Variants in TDRD5 observed in about 807,000 individuals in gnomAD.
The protein encoded by TDRD5 is tudor domain-containing protein 5.
A neutral mutation model predicts 120.6 loss-of-function variants in TDRD5; 41 were observed. The ratio of observed to expected loss-of-function variants is 0.34; its 90% CI spans 0.26 to 0.44. TDRD5 has a LOEUF of 0.44. Among genes scored for constraint, TDRD5 ranks in the 20% least tolerant of loss-of-function variants. The pLI is 1.00. For missense variants in TDRD5, 1,006 were observed against 1,221.2 expected, an observed-to-expected ratio of 0.82 and a Z score of 2.63; for synonymous variants, 430 against 433.7, an observed-to-expected ratio of 0.99 and a Z score of 0.11.
chr1:179,613,266 A>T (rs1334643980), intron 4 of TDRD5, among the ~76,000 whole-genome samples: 1 of 152,168 alleles, frequency 6.6e-6, no homozygotes, highest in Non-Finnish European at 1.5e-5. Flanking sequence ...TATATTAACA[A>T]TTATCAGAAG....
Position 179,669,373 on chromosome 1 carries a change from G to A in TDRD5, c.2829G>A (p.Val943=), listed in dbSNP as rs116602339. Residue 943 remains valine, a synonymous_variant, in exon 17 of 18, where the codon GTG becomes GTA. Transcript: ENST00000444136. ...CAGCACCCTGTTCAACAACTGCAGTGGATGATTCCGCAGAAAAGCCCTCTG... is the reference window on the plus strand; with the variant it reads ...CAGCACCCTGTTCAACAACTGCAGTAGATGATTCCGCAGAAAAGCCCTCTG... ...STAAPCSTTA[V]DDSAEKPSGS... 3 of 1,614,166 alleles carry A rather than the reference G, an allele frequency of 1.9e-6. No homozygotes were observed. The highest frequency in any genetic ancestry group is 2.2e-5 in the East Asian group (1 of 44,874).
intron 6 of TDRD5, among the ~76,000 whole-genome samples, chr1:179,622,512 C>A (rs781492434): frequency 2.0e-5 from 3 of 152,058 alleles, no homozygotes; most frequent in African/African-American, 7.2e-5. Flanking sequence ...GTAACTCTTA[C>A]AACCACATTA....
rs190865686 is a variant in TDRD5 at position 179,650,230 on chromosome 1, G to C, written c.1801-637G>C. Among the ~76,000 whole-genome samples the C allele has an allele frequency of 2.2e-3, 334 of 151,818 alleles. 5 individuals are homozygous for C. Among genetic ancestry groups the C allele is most frequent in the African/African-American group, 7.6e-3 (315 of 41,402 alleles). ...AGCCTGGCCAACATGGTGAAACCCC[G>C]TCTCTACTAAAAATACAGAAATCAG... On this transcript the variant is annotated intron_variant, in intron 11 of 17. Coordinates refer to ENST00000444136, the MANE Select transcript of TDRD5 (RefSeq NM_001199085.3).
chr1:179,690,599 AT>A, intron 17 of TDRD5, 96 bp from the exon 18 acceptor site: 1 of 1,491,724 alleles, frequency 6.7e-7, no homozygotes. Context: ...ACAGAAAATG[AT>A]TGTAACACAT....
chr1:179,646,356 C>T (rs1323636596), intron 11 of TDRD5, among the ~76,000 whole-genome samples: 2 of 152,144 alleles, frequency 1.3e-5, no homozygotes, highest in African/African-American at 4.8e-5. Context: ...ACAAAAACCA[C>T]ATGATTATCT....
intron 6 of TDRD5, 59 bp downstream of exon 6, chr1:179,621,150 A>G: frequency 6.7e-7 from 1 of 1,502,106 alleles, no homozygotes; most frequent in Non-Finnish European, 9.0e-7. Flanking sequence ...CTTGTGATAG[A>G]TGGAATTTTG....
At position 179,663,408 on chromosome 1, in the gene TDRD5, G is replaced by A. The variant is rs374300164; in HGVS notation, c.2566G>A (p.Val856Ile). ...TGATTCTTGGCAGCCTTCAGGCCTT[G>A]TAAATGGAACGAAAGTAGAAGTTCA... The part of the protein sequence containing the change: ...WDDSWQPSGL[V>I]NGTKVEVHKP... Residue 856 changes from valine to isoleucine, a missense_variant, in exon 16 of 18, where the codon GTA (valine) becomes ATA (isoleucine). By Grantham distance (29) the Val-to-Ile change is conservative. Transcript: ENST00000444136. 3.1e-6 allele frequency: 5 copies of A among 1,613,692 alleles called. No individual in the cohort carries two copies. In the African/African-American group the frequency reaches 6.7e-5, roughly 22 times the overall value.
intron 6 of TDRD5, among the ~76,000 whole-genome samples, chr1:179,628,125 C>T (rs1205179385): frequency 6.6e-6 from 1 of 151,968 alleles, no homozygotes; most frequent in African/African-American, 2.4e-5. Context: ...TGCTAATTTG[C>T]AGGAAATAAA....
rs1252552620 is a variant in TDRD5, at chr1:179,639,900, C to A, written c.1582C>A (p.Pro528Thr). ...TGTCATGCCAGAATGTTTTATTCAG[C>A]CGGGACATCTCTGTTGTGTAAGGAT... is the stretch of plus-strand genomic sequence containing the variant. ...RYVMPECFIQPGHLCCVRISE... is the reference protein window; with the variant it reads ...RYVMPECFIQTGHLCCVRISE... Residue 528 changes from proline to threonine, a missense_variant, in exon 10 of 18, where the codon CCG (proline) becomes ACG (threonine). By Grantham distance (38) the Pro-to-Thr change is conservative. Coordinates refer to ENST00000444136, the MANE Select transcript of TDRD5 (RefSeq NM_001199085.3). 6.2e-7 allele frequency: 1 copy of A among 1,613,960 alleles called. No homozygotes were observed. Among genetic ancestry groups the A allele is most frequent in the Admixed American group, 1.7e-5 (1 of 59,996 alleles).
chr1:179,680,875 C>T (rs1286822272), intron 17 of TDRD5, among the ~76,000 whole-genome samples: 4 of 151,986 alleles, frequency 2.6e-5, no homozygotes, highest in Non-Finnish European at 5.9e-5. Flanking sequence ...TTAAAAAAAC[C>T]TCACTTTAAA....
At chr1:179,616,011 G>C (rs12041941) in intron 4 of TDRD5, among the ~76,000 whole-genome samples, 5,775 of 151,930 alleles carry the variant, frequency 0.038, 173 homozygotes, top group East Asian at 0.11. Flanking sequence ...ATAAAACTAT[G>C]GACACTGAAA....
intron 4 of TDRD5, among the ~76,000 whole-genome samples, chr1:179,602,595 G>A (rs900306777): frequency 5.3e-5 from 8 of 152,042 alleles, no homozygotes; most frequent in African/African-American, 1.4e-4. Flanking sequence ...TCCTACATGC[G>A]GCTAGCCAAT....
intron 11 of TDRD5, 134 bp from the exon 12 acceptor site, chr1:179,650,731 CTA>C (rs1678666448): frequency 2.5e-6 from 2 of 797,636 alleles, no homozygotes; most frequent in Non-Finnish European, 4.0e-6. Flanking sequence ...ATATATCCTC[CTA>C]TGTGTTATTC....
chr1:179,644,676 G>GT (rs1263183731), intron 11 of TDRD5, among the ~76,000 whole-genome samples: 2 of 151,776 alleles, frequency 1.3e-5, no homozygotes, highest in Non-Finnish European at 2.9e-5. Context: ...TCCTTTTGAT[G>GT]TTGACATCTG....
At chr1:179,639,687 A>G in intron 9 of TDRD5, 152 bp from the exon 10 acceptor site, 1 of 707,910 alleles carries the variant, frequency 1.4e-6, no homozygotes, top group Non-Finnish European at 2.3e-6. Context: ...AAGAGAAAAC[A>G]ATTAATTGGT....
At chr1:179,671,517 T>C (rs1236277278) in intron 17 of TDRD5, among the ~76,000 whole-genome samples, 1 of 152,242 alleles carries the variant, frequency 6.6e-6, no homozygotes, top group Non-Finnish European at 1.5e-5. Context: ...TGTTCAGTTA[T>C]ACTGTACTTC....
chr1:179,682,922 T>G (rs1558429597), intron 17 of TDRD5, among the ~76,000 whole-genome samples: 1 of 152,130 alleles, frequency 6.6e-6, no homozygotes, highest in Non-Finnish European at 1.5e-5. Context: ...TTCTGGTAGT[T>G]TTTCCCTGGC....
At chr1:179,636,135 T>C (rs539913846) in intron 9 of TDRD5, among the ~76,000 whole-genome samples, 86 of 152,334 alleles carry the variant, frequency 5.6e-4, no homozygotes, top group Admixed American at 2.0e-4. Flanking sequence ...TTTATCCTTT[T>C]GTAGATCTCT....
chr1:179,614,663 T>G (rs1676469669), intron 4 of TDRD5, among the ~76,000 whole-genome samples: 1 of 152,154 alleles, frequency 6.6e-6, no homozygotes, highest in African/African-American at 2.4e-5. Context: ...AAATGGAGTT[T>G]CCTTCAGAGA....
Sources: gnomAD v4.1 joint callset for allele counts (sites outside exome capture counted in the v4.1 genomes callset) on GRCh38, gnomAD v4.1.1 for gene constraint, MANE v1.5 for transcripts, NCBI Gene and HGNC (gene_info 2026-07-23, HGNC 2026-07-21) for gene names.